MYH11: variants seen among roughly 807,000 people sequenced by gnomAD.
MYH11 encodes myosin-11.
A neutral mutation model predicts 246.6 loss-of-function variants in MYH11; 80 were observed. The observed-to-expected ratio is 0.32, with a 90% CI of 0.27 to 0.39. The LOEUF (loss-of-function observed/expected upper bound fraction) is 0.39, where lower values mean the gene tolerates loss of function less well. Ranked by LOEUF, MYH11 falls within the 10% of genes least tolerant of loss-of-function variation. MYH11 has a pLI of 1.00. For synonymous variants in MYH11, 1,071 were observed against 1,015.5 expected, an observed-to-expected ratio of 1.05 and a Z score of -1.04; for missense variants, 2,158 against 2,546.8, an observed-to-expected ratio of 0.85 and a Z score of 3.29.
intron 38 of MYH11, among the ~76,000 whole-genome samples, chr16:15,715,791 C>T (rs1051993842): frequency 2.6e-5 from 4 of 152,126 alleles, no homozygotes; most frequent in African/African-American, 7.2e-5. Context: ...GGACTACAGG[C>T]GTACACCAGC....
chr16:15,850,363 C>T (rs572330160), intron 1 of MYH11, among the ~76,000 whole-genome samples: 43 of 151,794 alleles, frequency 2.8e-4, no homozygotes, highest in African/African-American at 9.4e-4. Flanking sequence ...CCAGCCTGGG[C>T]GACAAGAGCA....
At chr16:15,815,939 A>T (rs2043251990) in intron 3 of MYH11, among the ~76,000 whole-genome samples, 1 of 149,498 alleles carries the variant, frequency 6.7e-6, no homozygotes. Flanking sequence ...ATGCCTTAAA[A>T]AGCTCAGGCA....
At chr16:15,838,315 C>T (rs1341695817) in intron 1 of MYH11, 46 bp from the exon 2 acceptor site, 4 of 1,521,156 alleles carry the variant, frequency 2.6e-6, no homozygotes, top group Admixed American at 3.5e-5. Flanking sequence ...CAACCAAGCC[C>T]GGAAGACAGA....
chr16:15,786,801 G>T (rs2042481057), intron 4 of MYH11, 69 bp from the exon 5 acceptor site: 1 of 1,355,654 alleles, frequency 7.4e-7, no homozygotes, highest in Non-Finnish European at 1.0e-6. Context: ...CATGAGCCAG[G>T]CAGGACAATA....
rs1567693868 is a variant in MYH11 at position 15,720,312 on chromosome 16, G to A, written c.4792C>T (p.Leu1598Phe). Residue 1598 changes from leucine (L) to phenylalanine (F), a missense_variant and splice_region_variant, in exon 34 of 41, where the codon CTT becomes TTT. Physicochemically the swap from Leu to Phe is conservative, Grantham distance 22. Transcript: ENST00000300036. ...EEKRRQLQRQ[L>F]HEYETELEDE... ...TCCAGTTCCGTCTCATACTCGTGAAGCTGGGCGAGGAATAGAGATGTGTGC... is the reference window on the plus strand; with the variant it reads ...TCCAGTTCCGTCTCATACTCGTGAAACTGGGCGAGGAATAGAGATGTGTGC... 6.2e-7 allele frequency: 1 copy of A among 1,613,670 alleles called. No individual in the cohort carries two copies. Among genetic ancestry groups the A allele is most frequent in the South Asian group, 1.1e-5 (1 of 90,950 alleles).
chr16:15,790,955 C>CTTTTTTTTTTTTTT (rs770852667), intron 4 of MYH11: 4 of 118,226 alleles, frequency 3.4e-5, no homozygotes, highest in African/African-American at 6.4e-5. Flanking sequence ...TTTTTCTTTT[C>CTTTTTTTTTTTTTT]TTTTTTTTTT....
At chr16:15,713,342 A>C (rs1383135006) in intron 40 of MYH11, 6 of 152,086 alleles carry the variant, frequency 3.9e-5, no homozygotes, top group Non-Finnish European at 8.8e-5. Flanking sequence ...TCTGCTTTTG[A>C]GTTAAGTAGG....
chr16:15,719,274 G>T lies in MYH11; in HGVS notation c.5117C>A (p.Ala1706Glu). 1.2e-6 allele frequency: 2 copies of T among 1,612,874 alleles called. No homozygotes were observed. Among genetic ancestry groups the T allele is most frequent in the Non-Finnish European group, 1.7e-6 (2 of 1,180,018 alleles). ...LAAAERARKQ[A>E]DLEKEELAEE... ...TGCCAGTTCCTCCTTCTCGAGGTCC[G>T]CTTGTTTGCGAGCCCTCTCAGCGGC... Residue 1706 changes from alanine to glutamate, a missense_variant, in exon 36 of 41, where the codon GCG becomes GAG. Ala to Glu is a moderately radical substitution (Grantham distance 107, BLOSUM62 -1). Transcript: ENST00000300036.
At chr16:15,855,918 A>G (rs3851704) in intron 1 of MYH11, among the ~76,000 whole-genome samples, 29,279 of 152,072 alleles carry the variant, frequency 0.19, 3,449 homozygotes, top group East Asian at 0.43. Flanking sequence ...AAACACTCCC[A>G]CCTTGGGTTT....
At chr16:15,816,667 A>G (rs3915501) in intron 3 of MYH11, among the ~76,000 whole-genome samples, 19,310 of 152,086 alleles carry the variant, frequency 0.13, 1,275 homozygotes, top group East Asian at 0.15. Flanking sequence ...GCAAATCCAG[A>G]GGGTGAATGA....
At chr16:15,722,268 C>T (rs1175348990) in intron 31 of MYH11, among the ~76,000 whole-genome samples, 1 of 152,120 alleles carries the variant, frequency 6.6e-6, no homozygotes, top group Non-Finnish European at 1.5e-5. Flanking sequence ...GTTTCATGGC[C>T]ACAAGTAGCT....
Position 15,726,998 on chromosome 16 carries a change from C to T in MYH11, c.3708G>A (p.Leu1236=), listed in dbSNP as rs754000382. Residue 1236 remains leucine, a synonymous_variant, in exon 28 of 41, where the codon CTG becomes CTA. Coordinates refer to ENST00000300036, the MANE Select transcript of MYH11 (RefSeq NM_002474.3). ...GGCCCAGGACCCGCAGCTCCCCGGC[C>T]AGGTCTGCGTTCTCTTTCTCCAGCG... ...KQTLEKENAD[L]AGELRVLGQA... 6.2e-7 allele frequency: 1 copy of T among 1,612,126 alleles called. No homozygotes were observed. Among genetic ancestry groups the T allele is most frequent in the South Asian group, 1.1e-5 (1 of 90,848 alleles).
At chr16:15,712,415 T>C (rs2039855210) in intron 40 of MYH11, among the ~76,000 whole-genome samples, 1 of 152,012 alleles carries the variant, frequency 6.6e-6, no homozygotes, top group Non-Finnish European at 1.5e-5. Flanking sequence ...GTGGGGAGGC[T>C]GAGGCGGGTG....
At chr16:15,786,895 T>C (rs2042483291) in intron 4 of MYH11, among the ~76,000 whole-genome samples, 163 bp from the exon 5 acceptor site, 1 of 152,168 alleles carries the variant, frequency 6.6e-6, no homozygotes, top group Admixed American at 6.5e-5. Flanking sequence ...TCTCTGGTAG[T>C]GAGCGGAACT....
intron 22 of MYH11, chr16:15,741,095 A>C (rs183204221): frequency 2.6e-6 from 1 of 381,968 alleles, no homozygotes; most frequent in Admixed American, 3.7e-5. Flanking sequence ...CCGGACCCTC[A>C]GCCAGAACCA....
chr16:15,716,203 G>C (rs1420017404), intron 38 of MYH11, among the ~76,000 whole-genome samples: 1 of 152,088 alleles, frequency 6.6e-6, no homozygotes, highest in Non-Finnish European at 1.5e-5. Flanking sequence ...AAAGTGCCGG[G>C]ATTATGGGCA....
In MYH11 at chr16:15,724,265, T is replaced by G; in HGVS notation, c.4261A>C (p.Thr1421Pro). 6.2e-7 allele frequency: 1 copy of G among 1,614,200 alleles called. No individual in the cohort carries two copies. The highest frequency in any genetic ancestry group is 8.5e-7 in the Non-Finnish European group (1 of 1,180,028). The part of the protein sequence containing the change: ...KAAAYDKLEK[T>P]KNRLQQELDD... ...AGCTCCTGCTGAAGCCTGTTCTTGG[T>G]CTTTTCCAGTTTATCATAAGCGGCC... Residue 1421 changes from threonine to proline, a missense_variant, in exon 31 of 41, where the codon ACC becomes CCC. Physicochemically the swap from Thr to Pro is conservative, Grantham distance 38. Coordinates refer to ENST00000300036, the MANE Select transcript of MYH11 (RefSeq NM_002474.3).
chr16:15,765,794 G>A (rs557288112), intron 9 of MYH11, among the ~76,000 whole-genome samples: 1 of 152,254 alleles, frequency 6.6e-6, no homozygotes, highest in South Asian at 2.1e-4. Flanking sequence ...CTGTTGACAG[G>A]GCTTGGAAAC....
chr16:15,732,851 T>C (rs2041008331), intron 26 of MYH11, 143 bp from the exon 27 acceptor site: 3 of 1,019,956 alleles, frequency 2.9e-6, no homozygotes, highest in Non-Finnish European at 4.4e-6. Context: ...CCTTGGGTCA[T>C]TCACCTAACA....
Sources: gnomAD v4.1 joint callset for allele counts (sites outside exome capture counted in the v4.1 genomes callset) on GRCh38, gnomAD v4.1.1 for gene constraint, MANE v1.5 for transcripts, NCBI Gene and HGNC (gene_info 2026-07-23, HGNC 2026-07-21) for gene names.